The following EPHA3 variants were observed in gnomAD, a reference collection of about 807,000 sequenced individuals.
The protein encoded by EPHA3 is EPH receptor A3, also known as ephrin type-A receptor 3.
Under a neutral mutation model 107.1 loss-of-function variants are expected in EPHA3, and 42 were observed. The observed-to-expected ratio is 0.39, with a 90% confidence interval of 0.31 to 0.51. The LOEUF is 0.51. Among genes scored for constraint, EPHA3 ranks in the 20% least tolerant of loss-of-function variants. The pLI is 0.78. For synonymous variants in EPHA3, 461 were observed against 424.8 expected (o/e 1.09, Z -1.05); for missense variants, 1,183 against 1,211.2 (o/e 0.98, Z 0.35).
At chr3:89,214,320 C>A (rs1209055028) in intron 3 of EPHA3, among the ~76,000 whole-genome samples, 4 of 151,882 alleles carry the variant, frequency 2.6e-5, no homozygotes, top group African/African-American at 9.7e-5. Context: ...TAGTCCACTG[C>A]ACAATATACA....
chr3:89,210,574 C>G (rs1189127160), intron 3 of EPHA3, 54 bp downstream of exon 3: 1 of 1,486,034 alleles, frequency 6.7e-7, no homozygotes, highest in African/African-American at 1.4e-5. Flanking sequence ...ATGAGTTTAT[C>G]ATAGTGTCAT....
chr3:89,190,813 T>C (rs1007407730), intron 2 of EPHA3, among the ~76,000 whole-genome samples: 2 of 152,210 alleles, frequency 1.3e-5, no homozygotes, highest in Non-Finnish European at 2.9e-5. Context: ...TCTCTTCACA[T>C]TGTCTTCCCT....
intron 3 of EPHA3, among the ~76,000 whole-genome samples, chr3:89,277,121 T>A (rs1281666280): frequency 2.0e-5 from 3 of 152,160 alleles, no homozygotes; most frequent in Non-Finnish European, 4.4e-5. Flanking sequence ...ATTACCAACT[T>A]GCATGTCCTA....
chr3:89,147,005 C>T (rs1011639444), intron 2 of EPHA3, among the ~76,000 whole-genome samples: 9 of 151,732 alleles, frequency 5.9e-5, no homozygotes, highest in African/African-American at 1.9e-4. Flanking sequence ...ACCATGCAGC[C>T]ATAGAAAAAA....
chr3:89,261,960 A>G (rs937757363), intron 3 of EPHA3, among the ~76,000 whole-genome samples: 2 of 151,936 alleles, frequency 1.3e-5, no homozygotes, highest in South Asian at 2.1e-4. Flanking sequence ...ATTTTATAGC[A>G]TTATTAGTAA....
At chr3:89,194,520 A>G (rs1705790619) in intron 2 of EPHA3, among the ~76,000 whole-genome samples, 1 of 152,060 alleles carries the variant, frequency 6.6e-6, no homozygotes, top group African/African-American at 2.4e-5. Flanking sequence ...AGAAACCTGT[A>G]AAGAAAGTTC....
intron 5 of EPHA3, among the ~76,000 whole-genome samples, chr3:89,344,478 G>T (rs961991684): frequency 2.0e-5 from 3 of 152,182 alleles, no homozygotes; most frequent in Non-Finnish European, 4.4e-5. Context: ...ATCATTTTGT[G>T]TGCCTGGGGA....
intron 2 of EPHA3, among the ~76,000 whole-genome samples, chr3:89,185,101 T>C (rs1030309481): frequency 1.3e-5 from 2 of 152,062 alleles, no homozygotes; most frequent in Admixed American, 6.6e-5. Flanking sequence ...GCACCTGTAA[T>C]CAAAGTATGG....
chr3:89,160,978 A>G (rs1704924448), intron 2 of EPHA3, among the ~76,000 whole-genome samples: 1 of 152,166 alleles, frequency 6.6e-6, no homozygotes, highest in Non-Finnish European at 1.5e-5. Flanking sequence ...TGGAAATTAA[A>G]CTGGGAAATT....
intron 5 of EPHA3, among the ~76,000 whole-genome samples, chr3:89,366,701 A>T (rs1369292546): frequency 6.6e-6 from 1 of 150,646 alleles, no homozygotes; most frequent in Non-Finnish European, 1.5e-5. Flanking sequence ...CCAGACTTTA[A>T]CTGGGAAACA....
chr3:89,386,567 A>G (rs763961127), intron 5 of EPHA3, among the ~76,000 whole-genome samples: 6 of 152,218 alleles, frequency 3.9e-5, no homozygotes, highest in Non-Finnish European at 8.8e-5. Flanking sequence ...GCAGGGGCAG[A>G]GCCCTCATAG....
At chr3:89,430,131 T>A (rs371835315) in intron 12 of EPHA3, among the ~76,000 whole-genome samples, 7 of 152,166 alleles carry the variant, frequency 4.6e-5, no homozygotes, top group African/African-American at 1.7e-4. Context: ...TTTCAACAAA[T>A]GTTATGTTCA....
At position 89,472,564 on chromosome 3, in the gene EPHA3, A is replaced by G. The variant is rs1710428190; in HGVS notation, c.2791A>G (p.Ile931Val). Residue 931 changes from isoleucine to valine, a missense_variant, in exon 16 of 17, where the codon ATC (isoleucine) becomes GTC (valine). By Grantham distance (29) the Ile-to-Val change is conservative. Coordinates refer to ENST00000336596, the MANE Select transcript of EPHA3 (RefSeq NM_005233.6). ...NGVWTAHCKE[I>V]FTGVEYSSCD... is the part of the protein sequence containing the mutation. The stretch of plus-strand genomic sequence containing the variant: ...TGTCTGGACAGCACACTGCAAGGAA[A>G]TCTTCACGGGTGTGGAGTACAGTTC... 1.2e-6 allele frequency: 2 copies of G among 1,614,018 alleles called. No homozygotes were observed. Among genetic ancestry groups the G allele is most frequent in the East Asian group, 4.5e-5 (2 of 44,896 alleles).
At chr3:89,294,568 C>T (rs1318326085) in intron 3 of EPHA3, among the ~76,000 whole-genome samples, 1 of 152,064 alleles carries the variant, frequency 6.6e-6, no homozygotes, top group African/African-American at 2.4e-5. Context: ...GATTGCTATC[C>T]TTTCTCAAGC....
At chr3:89,316,539 T>TATAG (rs1706911496) in intron 3 of EPHA3, among the ~76,000 whole-genome samples, 1 of 129,012 alleles carries the variant, frequency 7.8e-6, no homozygotes, top group Non-Finnish European at 1.6e-5. Context: ...TATATATATA[T>TATAG]AGAAAAGGGT....
intron 5 of EPHA3, among the ~76,000 whole-genome samples, chr3:89,383,178 A>G (rs1440276370): frequency 2.6e-5 from 4 of 152,174 alleles, no homozygotes; most frequent in Non-Finnish European, 5.9e-5. Context: ...TCCACTCTAT[A>G]GTTGTAGTTT....
chr3:89,327,578 T>C (rs2107391561), intron 3 of EPHA3, among the ~76,000 whole-genome samples: 2 of 152,292 alleles, frequency 1.3e-5, no homozygotes, highest in East Asian at 3.9e-4. Context: ...CCAGTTCTAA[T>C]TGACAAAAGT....
intron 3 of EPHA3, among the ~76,000 whole-genome samples, chr3:89,271,065 A>G (rs538163419): frequency 2.2e-4 from 33 of 152,180 alleles, no homozygotes; most frequent in African/African-American, 6.5e-4. Flanking sequence ...TAGCTATTGT[A>G]CAAACAAAAT....
chr3:89,341,049 C>T lies in EPHA3; in HGVS notation c.948C>T (p.Asp316=), dbSNP rs770338205. 3.1e-6 allele frequency: 5 copies of T among 1,613,788 alleles called. No individual in the cohort carries two copies. In the East Asian group the frequency reaches 1.1e-4, roughly 36 times the overall value. Residue 316 remains aspartate (D), a synonymous_variant, in exon 4 of 17, where the codon GAC becomes GAT. Transcript: ENST00000336596. ...ATAATTACTTCCGGGCAGACAAAGA[C>T]CCTCCATCCATGGCTTGTACCCGTG... The part of the protein sequence containing the change: ...CENNYFRADK[D]PPSMACTRPP...
Sources: allele counts gnomAD v4.1 joint callset (sites outside exome capture counted in the v4.1 genomes callset), GRCh38; gene constraint gnomAD v4.1.1; transcripts MANE v1.5; gene names NCBI Gene and HGNC (gene_info 2026-07-23, HGNC 2026-07-21).